Variants in TASP1 observed in about 807,000 individuals in gnomAD.
The protein encoded by TASP1 is taspase 1, also known as threonine aspartase 1.
A neutral mutation model predicts 56.6 loss-of-function variants in TASP1; 16 were observed. That is an observed-to-expected ratio of 0.28 (90% CI 0.19 to 0.43). The LOEUF (loss-of-function observed/expected upper bound fraction) is 0.43, where lower values mean the gene tolerates loss of function less well. Ranked by LOEUF, TASP1 falls within the 20% of genes least tolerant of loss-of-function variation. The pLI, the probability that TASP1 is intolerant of heterozygous loss-of-function variation, is 1.00. For missense variants in TASP1, 393 were observed against 511.6 expected (o/e 0.77, Z 2.24); for synonymous variants, 179 against 184.2 (o/e 0.97, Z 0.23).
intron 12 of TASP1, among the ~76,000 whole-genome samples, chr20:13,422,109 G>A (rs888798503): frequency 5.3e-5 from 8 of 151,558 alleles, no homozygotes; most frequent in African/African-American, 9.7e-5. Context: ...CCACCACCAC[G>A]CCCGGCTAAT....
chr20:13,268,114 GTCTTCTCTTCTCTTC>G, the TASP1 span, among the ~76,000 whole-genome samples: 118 of 140,500 alleles, frequency 8.4e-4, 1 homozygote, highest in African/African-American at 2.5e-3. Context: ...CTCCTCTCCT[GTCTTCTCTTCTCTTC>G]TCTTCTCTTC....
At chr20:13,357,863 T>A in the TASP1 span, among the ~76,000 whole-genome samples, 2 of 152,064 alleles carry the variant, frequency 1.3e-5, no homozygotes, top group African/African-American at 4.8e-5. Context: ...AAGAAAAAAG[T>A]CAGACTAGAA....
intron 13 of TASP1, among the ~76,000 whole-genome samples, chr20:13,404,566 A>G (rs2041849782): frequency 6.6e-6 from 1 of 152,216 alleles, no homozygotes; most frequent in African/African-American, 2.4e-5. Context: ...TGATTGTGCC[A>G]CTGCACTCCA....
chr20:13,580,760 A>C, intron 6 of TASP1, 137 bp downstream of exon 6: 1 of 792,068 alleles, frequency 1.3e-6, no homozygotes, highest in South Asian at 1.8e-5. Flanking sequence ...TTAGCTGTAC[A>C]AAATGTTCCA....
chr20:13,531,268 T>C (rs1428327333), intron 9 of TASP1, among the ~76,000 whole-genome samples: 1 of 151,494 alleles, frequency 6.6e-6, no homozygotes, highest in Non-Finnish European at 1.5e-5. Flanking sequence ...GTAAGGGGCA[T>C]GGTAAATGGG....
chr20:13,285,999 T>C, the TASP1 span, among the ~76,000 whole-genome samples: 2 of 152,206 alleles, frequency 1.3e-5, no homozygotes, highest in Non-Finnish European at 1.5e-5. Context: ...CATTGGGTTA[T>C]GTCTTATGCT....
chr20:13,539,381 C>T (rs2045535859), intron 8 of TASP1, among the ~76,000 whole-genome samples: 1 of 151,900 alleles, frequency 6.6e-6, no homozygotes, highest in South Asian at 2.1e-4. Context: ...CAGACCCTGC[C>T]TCTACAAAAA....
At chr20:13,622,233 C>T (rs2048741790) in intron 4 of TASP1, among the ~76,000 whole-genome samples, 2 of 152,160 alleles carry the variant, frequency 1.3e-5, no homozygotes, top group Non-Finnish European at 2.9e-5. Flanking sequence ...CTTCACAACT[C>T]CATGAAGTGG....
At chr20:13,107,536 T>C in the TASP1 span, among the ~76,000 whole-genome samples, 8 of 152,276 alleles carry the variant, frequency 5.3e-5, no homozygotes, top group African/African-American at 1.2e-4. Flanking sequence ...GGTAATATTA[T>C]GTGAAAAGAA....
At chr20:13,466,773 C>T (rs2044274608) in intron 11 of TASP1, among the ~76,000 whole-genome samples, 1 of 152,086 alleles carries the variant, frequency 6.6e-6, no homozygotes, top group South Asian at 2.1e-4. Flanking sequence ...AAAGCCACTT[C>T]CTTATTCTTC....
chr20:13,509,149 G>A (rs886205799), intron 10 of TASP1, among the ~76,000 whole-genome samples: 29 of 151,758 alleles, frequency 1.9e-4, no homozygotes, highest in Admixed American at 8.5e-4. Flanking sequence ...GTGTGTGTGT[G>A]TGTGTGTGTG....
chr20:13,138,231 A>C, the TASP1 span, among the ~76,000 whole-genome samples: 1 of 152,202 alleles, frequency 6.6e-6, no homozygotes, highest in Non-Finnish European at 1.5e-5. Flanking sequence ...CCCAAACTGA[A>C]GTAGTACATG....
At chr20:13,600,868 T>C (rs1323164350) in intron 4 of TASP1, among the ~76,000 whole-genome samples, 1 of 152,158 alleles carries the variant, frequency 6.6e-6, no homozygotes, top group African/African-American at 2.4e-5. Flanking sequence ...TAAACAATGA[T>C]ACTCCAACGA....
At chr20:13,473,671 C>T (rs1391203864) in intron 11 of TASP1, among the ~76,000 whole-genome samples, 1 of 152,122 alleles carries the variant, frequency 6.6e-6, no homozygotes, top group East Asian at 1.9e-4. Flanking sequence ...CCAAGATTTT[C>T]CCTCCTGAAG....
At chr20:13,462,621 T>A (rs1476020896) in intron 11 of TASP1, among the ~76,000 whole-genome samples, 2 of 152,182 alleles carry the variant, frequency 1.3e-5, no homozygotes, top group African/African-American at 2.4e-5. Flanking sequence ...TATACATTCC[T>A]GTTCTCAAAA....
chr20:13,131,505 T>C, the TASP1 span, among the ~76,000 whole-genome samples: 1 of 152,240 alleles, frequency 6.6e-6, no homozygotes, highest in Non-Finnish European at 1.5e-5. Flanking sequence ...CATAGTACTT[T>C]CAACACATCT....
the TASP1 span, among the ~76,000 whole-genome samples, chr20:13,369,244 G>C: frequency 3.9e-5 from 6 of 152,138 alleles, no homozygotes; most frequent in African/African-American, 1.4e-4. Flanking sequence ...TCAGGAGTTC[G>C]AGACCAGCCT....
chr20:13,521,324 C>G (rs1181604302), intron 10 of TASP1, among the ~76,000 whole-genome samples: 3 of 152,116 alleles, frequency 2.0e-5, no homozygotes, highest in Non-Finnish European at 2.9e-5. Flanking sequence ...CACATGCACA[C>G]GTATGTTTAC....
chr20:13,350,116 G>C, the TASP1 span, among the ~76,000 whole-genome samples: 531 of 152,296 alleles, frequency 3.5e-3, 3 homozygotes, highest in Non-Finnish European at 5.7e-3. Context: ...CTGGGTGACA[G>C]AGCAAAGTCC....
Sources: allele counts gnomAD v4.1 joint callset (sites outside exome capture counted in the v4.1 genomes callset), GRCh38; gene constraint gnomAD v4.1.1; transcripts MANE v1.5; gene names NCBI Gene and HGNC (gene_info 2026-07-23, HGNC 2026-07-21).